The following GKAP1 variants were observed in gnomAD, a reference collection of about 807,000 sequenced individuals.
The protein encoded by GKAP1 is G kinase-anchoring protein 1.
Under a neutral mutation model 56.7 loss-of-function variants are expected in GKAP1, and 31 were observed. That is an observed-to-expected ratio of 0.55 (90% confidence interval 0.41 to 0.74). The LOEUF is 0.74. GKAP1 is among the 30% of genes least tolerant of loss of function. The pLI is 0.00. For synonymous variants in GKAP1, 151 were observed against 138.6 expected (o/e 1.09, Z -0.63); for missense variants, 364 against 402.3 (o/e 0.90, Z 0.82).
intron 2 of GKAP1, among the ~76,000 whole-genome samples, chr9:83,809,940 T>C (rs1944484913): frequency 6.6e-6 from 1 of 152,216 alleles, no homozygotes; most frequent in African/African-American, 2.4e-5. Flanking sequence ...CCTGAGTAGC[T>C]GGGACTAAAA....
At chr9:83,747,195 A>G (rs1312293892) in intron 10 of GKAP1, among the ~76,000 whole-genome samples, 2 of 152,194 alleles carry the variant, frequency 1.3e-5, no homozygotes, top group African/African-American at 4.8e-5. Context: ...TGAATGGAAA[A>G]TTTTCATAAA....
At chr9:83,745,535 T>C (rs371442054) in intron 10 of GKAP1, among the ~76,000 whole-genome samples, 1 of 152,246 alleles carries the variant, frequency 6.6e-6, no homozygotes, top group African/African-American at 2.4e-5. Flanking sequence ...AGCAAGCTTT[T>C]ATCAGTTAAC....
intron 2 of GKAP1, among the ~76,000 whole-genome samples, chr9:83,811,288 G>T (rs183486965): frequency 5.0e-4 from 76 of 152,262 alleles, no homozygotes; most frequent in Admixed American, 4.8e-3. Context: ...AAATAAAAAA[G>T]TTTTTAGGCA....
chr9:83,812,298 T>C (rs567497669), intron 2 of GKAP1, among the ~76,000 whole-genome samples: 130 of 148,228 alleles, frequency 8.8e-4, no homozygotes, highest in African/African-American at 3.1e-3. Context: ...TACGTATATA[T>C]ATACGTATAC....
At chr9:83,753,475 C>T (rs552368191) in intron 8 of GKAP1, 116 bp from the exon 9 acceptor site, 2 of 690,584 alleles carry the variant, frequency 2.9e-6, no homozygotes, top group African/African-American at 1.8e-5. Context: ...TCTGAGGCCA[C>T]CTTATGCTGT....
intron 3 of GKAP1, among the ~76,000 whole-genome samples, chr9:83,804,524 G>A (rs553980803): frequency 1.5e-5 from 1 of 65,614 alleles, no homozygotes; most frequent in South Asian, 5.5e-4. Context: ...GGAGGGAGGT[G>A]GGGGGGTCAG....
intron 6 of GKAP1, among the ~76,000 whole-genome samples, chr9:83,782,942 T>C (rs1163346044): frequency 6.6e-6 from 1 of 152,170 alleles, no homozygotes; most frequent in Non-Finnish European, 1.5e-5. Flanking sequence ...AGTGCTAGGA[T>C]TACAGGCGTG....
chr9:83,763,327 T>G (rs1402201158), intron 8 of GKAP1, among the ~76,000 whole-genome samples: 1 of 152,122 alleles, frequency 6.6e-6, no homozygotes, highest in Non-Finnish European at 1.5e-5. Flanking sequence ...GGATAGTTAA[T>G]TGGTACAAAA....
At chr9:83,788,745 A>C (rs527836216) in intron 4 of GKAP1, 67 bp from the exon 5 acceptor site, 2 of 901,882 alleles carry the variant, frequency 2.2e-6, no homozygotes, top group Admixed American at 1.9e-5. Flanking sequence ...ATAACCATAC[A>C]TATTACTATA....
At chr9:83,787,118 G>A (rs569152799) in intron 5 of GKAP1, among the ~76,000 whole-genome samples, 6 of 152,166 alleles carry the variant, frequency 3.9e-5, no homozygotes, top group East Asian at 1.9e-4. Flanking sequence ...TTCATTCTTC[G>A]TTATTTGAGG....
At chr9:83,810,662 C>T (rs1352137840) in intron 2 of GKAP1, among the ~76,000 whole-genome samples, 1 of 152,240 alleles carries the variant, frequency 6.6e-6, no homozygotes, top group Non-Finnish European at 1.5e-5. Context: ...ATGCCCATCA[C>T]ACCCAACTTA....
Position 83,781,846 on chromosome 9 carries a change from C to CT in GKAP1, c.563-1443dup, listed in dbSNP as rs147452137. Among the ~76,000 whole-genome samples, 872 of 138,006 alleles carry CT rather than the reference C, an allele frequency of 6.3e-3. 22 individuals are homozygous for CT. Among genetic ancestry groups the CT allele is most frequent in the African/African-American group, 0.015 (553 of 37,564 alleles). The allele number at this position is 138,006 out of a possible 152,430, so 90.5% of individuals were successfully genotyped here. A position where few individuals can be genotyped will look rare whatever the true frequency, so the allele number is the denominator to read the frequency against. On this transcript the variant is annotated intron_variant, in intron 6 of 12. Transcript: ENST00000376371. ...TAGTTTTTAATAAAATGTATTTCTT[C>CT]TTTTTTTTTTTTTTTGAGATGGAGT...
At chr9:83,808,952 A>G (rs1224655081) in intron 2 of GKAP1, among the ~76,000 whole-genome samples, 1 of 152,240 alleles carries the variant, frequency 6.6e-6, no homozygotes, top group Admixed American at 6.5e-5. Context: ...CAGATCTAAT[A>G]AAGTCTGCAA....
Position 83,768,766 on chromosome 9 carries a change from A to G in GKAP1, c.738+52T>C, listed in dbSNP as rs763765651. 1.7e-5 allele frequency: 26 copies of G among 1,513,746 alleles called. No homozygotes were observed. In the Middle Eastern group the frequency reaches 6.9e-4, roughly 40 times the overall value. 93.8% of individuals were successfully genotyped at this position (1,513,746 alleles called of 1,614,324 possible). On this transcript the variant is annotated intron_variant, in intron 8 of 12. Coordinates refer to ENST00000376371, the MANE Select transcript of GKAP1 (RefSeq NM_025211.4). ...ACTGCTTACTTGTTTAAAAAATAAA[A>G]ATTACATTTCAATTTCACTGTGATT...
intron 9 of GKAP1, among the ~76,000 whole-genome samples, chr9:83,752,027 A>T (rs1943398711): frequency 6.6e-6 from 1 of 152,200 alleles, no homozygotes; most frequent in Non-Finnish European, 1.5e-5. Context: ...CAGTAAACAA[A>T]ATATATACAC....
intron 10 of GKAP1, among the ~76,000 whole-genome samples, chr9:83,743,761 G>A (rs1327784634): frequency 6.6e-6 from 1 of 152,118 alleles, no homozygotes; most frequent in Non-Finnish European, 1.5e-5. Flanking sequence ...CATATGACAT[G>A]TGTGGTCTCT....
chr9:83,741,127 G>A (rs1256190671), intron 12 of GKAP1, among the ~76,000 whole-genome samples: 1 of 151,874 alleles, frequency 6.6e-6, no homozygotes. Flanking sequence ...CATGCTTCTC[G>A]ATGAGATTTC....
At chr9:83,753,918 G>C (rs1012902315) in intron 8 of GKAP1, among the ~76,000 whole-genome samples, 1 of 152,140 alleles carries the variant, frequency 6.6e-6, no homozygotes, top group Non-Finnish European at 1.5e-5. Flanking sequence ...AAGGCTACAG[G>C]TTACTTTGTA....
rs371624095 is a variant in GKAP1, at chr9:83,800,632, G to A, written c.217-1304C>T. On this transcript the variant is annotated intron_variant, in intron 3 of 12. Coordinates refer to ENST00000376371, the MANE Select transcript of GKAP1 (RefSeq NM_025211.4). ...ATTACAGGCGTGAGCCACCGCGCCC[G>A]GCCCCCACTGCCTCCTTACATATTT... 2.6e-4 allele frequency among the ~76,000 whole-genome samples: 39 copies of A among 152,090 alleles called. 1 individual carries two copies. Among genetic ancestry groups the A allele is most frequent in the Admixed American group, 9.2e-4 (14 of 15,276 alleles).
Sources: gnomAD v4.1 joint callset for allele counts (sites outside exome capture counted in the v4.1 genomes callset) on GRCh38, gnomAD v4.1.1 for gene constraint, MANE v1.5 for transcripts, NCBI Gene and HGNC (gene_info 2026-07-23, HGNC 2026-07-21) for gene names.